Variants in RAPGEF5 observed in about 807,000 individuals in gnomAD.
RAPGEF5 encodes the protein Rap guanine nucleotide exchange factor 5.
In RAPGEF5, 65 loss-of-function variants were observed where a neutral mutation model predicts 125.2. That is an observed-to-expected ratio of 0.52 (90% CI 0.43 to 0.64). RAPGEF5 has a LOEUF of 0.64. RAPGEF5 is among the 30% of genes least tolerant of loss of function. RAPGEF5 has a pLI of 0.00. For synonymous variants in RAPGEF5, 391 were observed against 385.9 expected, an observed-to-expected ratio of 1.01 and a Z score of -0.16; for missense variants, 958 against 1,048.1, an observed-to-expected ratio of 0.91 and a Z score of 1.19.
intron 5 of RAPGEF5, among the ~76,000 whole-genome samples, chr7:22,301,313 CA>C (rs979851179): frequency 2.9e-4 from 44 of 151,986 alleles, no homozygotes; most frequent in East Asian, 1.9e-4. Flanking sequence ...TCAAGGTTTG[CA>C]GCAAAAAAAT....
At chr7:22,287,976 A>G (rs1381745777) in intron 6 of RAPGEF5, among the ~76,000 whole-genome samples, 1 of 152,212 alleles carries the variant, frequency 6.6e-6, no homozygotes, top group African/African-American at 2.4e-5. Context: ...CCAGTTGAAG[A>G]GATGAAATCT....
intron 19 of RAPGEF5, 63 bp from the exon 20 acceptor site, chr7:22,145,285 G>C: frequency 6.8e-7 from 1 of 1,476,614 alleles, no homozygotes; most frequent in Non-Finnish European, 9.1e-7. Context: ...TACAAAACTC[G>C]GTCAAATTTT....
intron 5 of RAPGEF5, among the ~76,000 whole-genome samples, chr7:22,298,917 T>C (rs1783130458): frequency 6.6e-6 from 1 of 152,204 alleles, no homozygotes; most frequent in African/African-American, 2.4e-5. Context: ...ATTCATTTGT[T>C]AGCTTTCAAA....
intron 7 of RAPGEF5, among the ~76,000 whole-genome samples, chr7:22,250,116 C>A (rs1004441954): frequency 1.3e-5 from 2 of 152,170 alleles, no homozygotes; most frequent in Non-Finnish European, 2.9e-5. Context: ...TAAAATGTAC[C>A]ACTTAAGCTG....
intron 9 of RAPGEF5, among the ~76,000 whole-genome samples, chr7:22,202,435 C>A (rs1456436804): frequency 1.3e-5 from 2 of 152,152 alleles, no homozygotes; most frequent in African/African-American, 4.8e-5. Context: ...TAAAAATACA[C>A]TCCCCAAATT....
At chr7:22,337,595 A>G (rs1353442218) in intron 1 of RAPGEF5, among the ~76,000 whole-genome samples, 3 of 152,196 alleles carry the variant, frequency 2.0e-5, no homozygotes, top group African/African-American at 7.2e-5. Flanking sequence ...ACTATCAACT[A>G]AATTTCTCCC....
chr7:22,211,961 C>CT (rs1562763783), intron 9 of RAPGEF5, among the ~76,000 whole-genome samples: 2 of 100,938 alleles, frequency 2.0e-5, no homozygotes, highest in South Asian at 4.4e-4. Context: ...CACATGTGTT[C>CT]TCTTTTTTTT....
chr7:22,239,897 G>A (rs1024194700), intron 7 of RAPGEF5, among the ~76,000 whole-genome samples: 5 of 152,042 alleles, frequency 3.3e-5, no homozygotes, highest in African/African-American at 1.2e-4. Context: ...ATTCTTATAA[G>A]GAAATGTACT....
chr7:22,172,789 TA>T (rs1175205291), intron 11 of RAPGEF5, among the ~76,000 whole-genome samples: 1 of 152,200 alleles, frequency 6.6e-6, no homozygotes, highest in Non-Finnish European at 1.5e-5. Flanking sequence ...TCACTAGAAG[TA>T]TAGCGTTACG....
chr7:22,254,750 G>T (rs1357581286), intron 7 of RAPGEF5, among the ~76,000 whole-genome samples: 1 of 152,020 alleles, frequency 6.6e-6, no homozygotes, highest in Non-Finnish European at 1.5e-5. Context: ...GATGGTTTTG[G>T]GATAAAATTG....
At chr7:22,183,269 A>G (rs1348329820) in intron 11 of RAPGEF5, among the ~76,000 whole-genome samples, 1 of 85,002 alleles carries the variant, frequency 1.2e-5, no homozygotes, top group Non-Finnish European at 2.2e-5. Flanking sequence ...ACTCCATCAC[A>G]AAAAAAAAAA....
intron 9 of RAPGEF5, among the ~76,000 whole-genome samples, chr7:22,207,275 GTTTATA>G (rs1224586553): frequency 5.3e-5 from 8 of 152,180 alleles, no homozygotes; most frequent in Admixed American, 5.2e-4. Context: ...TAGTAATGCA[GTTTATA>G]TTTATAAGTA....
chr7:22,230,944 C>G, intron 7 of RAPGEF5, 25 bp from the exon 8 acceptor site: 1 of 1,540,734 alleles, frequency 6.5e-7, no homozygotes, highest in Non-Finnish European at 8.8e-7. Context: ...CACCATTAAA[C>G]AAATGTATCA....
intron 12 of RAPGEF5, among the ~76,000 whole-genome samples, 163 bp downstream of exon 12, chr7:22,166,903 CCTGT>C (rs571147983): frequency 6.6e-6 from 1 of 152,182 alleles, no homozygotes; most frequent in African/African-American, 2.4e-5. Flanking sequence ...TCCAGTTTCC[CCTGT>C]CTGTCTCATT....
intron 6 of RAPGEF5, among the ~76,000 whole-genome samples, chr7:22,278,328 C>A (rs958052720): frequency 7.2e-5 from 11 of 152,158 alleles, no homozygotes; most frequent in Admixed American, 6.5e-4. Flanking sequence ...ATTATCAAGA[C>A]GTCCATAAGT....
At chr7:22,306,128 G>C (rs1783334072) in intron 5 of RAPGEF5, among the ~76,000 whole-genome samples, 1 of 152,190 alleles carries the variant, frequency 6.6e-6, no homozygotes, top group African/African-American at 2.4e-5. Context: ...ACTTCAAACT[G>C]TTCTCCATAA....
chr7:22,135,875 T>C (rs188099117), intron 23 of RAPGEF5, among the ~76,000 whole-genome samples, 163 bp downstream of exon 23: 2 of 152,288 alleles, frequency 1.3e-5, no homozygotes, highest in African/African-American at 4.8e-5. Context: ...ATCTCAAAAA[T>C]AATCGGCTAT....
intron 11 of RAPGEF5, among the ~76,000 whole-genome samples, chr7:22,171,614 T>C (rs1418229268): frequency 1.3e-5 from 2 of 152,254 alleles, no homozygotes; most frequent in East Asian, 3.8e-4. Flanking sequence ...TTCTCCGGCC[T>C]CAGCCTCCTG....
chr7:22,258,624 C>CAAAAAAAA (rs34352575), intron 7 of RAPGEF5, among the ~76,000 whole-genome samples: 7 of 45,796 alleles, frequency 1.5e-4, no homozygotes, highest in Admixed American at 3.1e-4. Flanking sequence ...AACTCCGTCT[C>CAAAAAAAA]AAAAAAAAAA....
Sources: allele counts gnomAD v4.1 joint callset (sites outside exome capture counted in the v4.1 genomes callset), GRCh38; gene constraint gnomAD v4.1.1; transcripts MANE v1.5; gene names NCBI Gene and HGNC (gene_info 2026-07-23, HGNC 2026-07-21).